The following CCDC91 variants were observed in gnomAD, a reference collection of about 807,000 sequenced individuals.
CCDC91 encodes coiled-coil domain containing 91, also known as coiled-coil domain-containing protein 91.
Under a neutral mutation model 63.2 loss-of-function variants are expected in CCDC91, and 48 were observed. The ratio of observed to expected loss-of-function variants is 0.76; its 90% CI spans 0.60 to 0.97. CCDC91 has a LOEUF of 0.97. Among genes scored for constraint, CCDC91 ranks in the 50% least tolerant of loss-of-function variants. CCDC91 has a pLI of 0.00. For synonymous variants in CCDC91, 167 were observed against 165.8 expected (o/e 1.01, Z -0.06); for missense variants, 500 against 494.6 (o/e 1.01, Z -0.10).
intron 11 of CCDC91, among the ~76,000 whole-genome samples, chr12:28,465,385 T>C (rs1950501992): frequency 1.3e-5 from 2 of 152,180 alleles, no homozygotes; most frequent in Non-Finnish European, 2.9e-5. Context: ...TAGCCAGGCC[T>C]TGGGTGAGAC....
intron 3 of CCDC91, among the ~76,000 whole-genome samples, chr12:28,278,673 T>G (rs1350622079): frequency 6.6e-6 from 1 of 152,064 alleles, no homozygotes; most frequent in Non-Finnish European, 1.5e-5. Context: ...TCAATTATAT[T>G]GAAGTACTTG....
chr12:28,454,512 C>T (rs990022877), intron 11 of CCDC91, among the ~76,000 whole-genome samples: 1 of 152,132 alleles, frequency 6.6e-6, no homozygotes. Context: ...CTTTCCCTCC[C>T]TAGGGAGAGG....
At chr12:28,306,099 G>GA (rs1938696202) in intron 4 of CCDC91, among the ~76,000 whole-genome samples, 1 of 151,988 alleles carries the variant, frequency 6.6e-6, no homozygotes, top group Non-Finnish European at 1.5e-5. Context: ...CTTGAAAAGG[G>GA]AAAATAATAC....
At chr12:28,486,356 C>G (rs1951725912) in intron 12 of CCDC91, among the ~76,000 whole-genome samples, 1 of 152,068 alleles carries the variant, frequency 6.6e-6, no homozygotes, top group Non-Finnish European at 1.5e-5. Context: ...TACATATATA[C>G]CACATTTTTT....
chr12:28,439,072 A>G (rs772004709), intron 8 of CCDC91, among the ~76,000 whole-genome samples: 4 of 152,172 alleles, frequency 2.6e-5, no homozygotes, highest in Non-Finnish European at 4.4e-5. Context: ...GTCATTCCTA[A>G]TCACTCCCTT....
chr12:28,380,170 G>A (rs1945206842), intron 7 of CCDC91, among the ~76,000 whole-genome samples: 1 of 152,028 alleles, frequency 6.6e-6, no homozygotes, highest in Non-Finnish European at 1.5e-5. Context: ...ACCAGGGCCT[G>A]TTGGGGGTTG....
intron 3 of CCDC91, among the ~76,000 whole-genome samples, chr12:28,272,623 A>G (rs1240660275): frequency 6.6e-6 from 1 of 151,834 alleles, no homozygotes; most frequent in Non-Finnish European, 1.5e-5. Flanking sequence ...CTTTATTCAT[A>G]TATTCTGCTA....
chr12:28,485,785 A>G (rs555570946), intron 12 of CCDC91, among the ~76,000 whole-genome samples: 1 of 152,324 alleles, frequency 6.6e-6, no homozygotes, highest in Admixed American at 6.5e-5. Flanking sequence ...GAAAACTCCT[A>G]TTTCCATATG....
rs376104579 is a variant in CCDC91, at chr12:28,267,371, G to A, written c.109+7929G>A. ...CCAAATTCATTTTAGTGGTCGCATAGTACTGTTTTTTAAGGATATATTATT... is the reference window on the plus strand; with the variant it reads ...CCAAATTCATTTTAGTGGTCGCATAATACTGTTTTTTAAGGATATATTATT... On this transcript the variant is annotated intron_variant, in intron 3 of 12. Transcript: ENST00000536442. Among the ~76,000 whole-genome samples, 6 of 151,198 alleles carry A rather than the reference G, an allele frequency of 4.0e-5. No individual in the cohort carries two copies. The East Asian group carries it at 9.7e-4, about 24-fold the overall frequency.
At chr12:28,307,913 T>A (rs1938915595) in intron 6 of CCDC91, among the ~76,000 whole-genome samples, 164 bp downstream of exon 6, 2 of 152,104 alleles carry the variant, frequency 1.3e-5, no homozygotes, top group African/African-American at 2.4e-5. Flanking sequence ...GACACCCATT[T>A]TGAAAAATAT....
intron 12 of CCDC91, among the ~76,000 whole-genome samples, chr12:28,537,683 T>A (rs1294081011): frequency 6.6e-6 from 1 of 152,228 alleles, no homozygotes; most frequent in Non-Finnish European, 1.5e-5. Context: ...TTGTACTTTT[T>A]CTATTCTTAG....
intron 12 of CCDC91, among the ~76,000 whole-genome samples, chr12:28,495,925 A>G (rs1952254992): frequency 6.6e-6 from 1 of 151,508 alleles, no homozygotes; most frequent in African/African-American, 2.4e-5. Context: ...CAGATTTTAC[A>G]TTTTTTTAAA....
chr12:28,259,463 G>T (rs763405842), intron 3 of CCDC91, 21 bp downstream of exon 3: 13 of 990,248 alleles, frequency 1.3e-5, no homozygotes, highest in African/African-American at 1.6e-5. Flanking sequence ...CCAGGAATTA[G>T]GGTTTTTTTT....
chr12:28,327,725 C>T (rs749399062), intron 6 of CCDC91, among the ~76,000 whole-genome samples: 14 of 152,244 alleles, frequency 9.2e-5, no homozygotes, highest in Admixed American at 2.6e-4. Flanking sequence ...GTATTTACTC[C>T]GGACAACGAC....
chr12:28,517,608 T>C (rs1243255567), intron 12 of CCDC91, among the ~76,000 whole-genome samples: 8 of 151,972 alleles, frequency 5.3e-5, no homozygotes, highest in African/African-American at 1.7e-4. Flanking sequence ...CCATAGATTA[T>C]TGGGGAGCAG....
At chr12:28,261,230 A>G (rs1478286644) in intron 3 of CCDC91, among the ~76,000 whole-genome samples, 5 of 152,050 alleles carry the variant, frequency 3.3e-5, no homozygotes, top group African/African-American at 4.8e-5. Context: ...TTAGACATGT[A>G]TAATATATTT....
intron 6 of CCDC91, among the ~76,000 whole-genome samples, chr12:28,332,809 C>T (rs1303555093): frequency 1.3e-5 from 2 of 151,964 alleles, no homozygotes; most frequent in African/African-American, 4.8e-5. Flanking sequence ...TCATGGCCAA[C>T]AGCGCTGTAA....
At chr12:28,453,212 TA>T (rs1565998183) in intron 11 of CCDC91, among the ~76,000 whole-genome samples, 1 of 152,002 alleles carries the variant, frequency 6.6e-6, no homozygotes, top group African/African-American at 2.4e-5. Context: ...ATCTGACAAT[TA>T]AAAACACTAC....
intron 12 of CCDC91, among the ~76,000 whole-genome samples, chr12:28,523,485 G>T (rs1940945763): frequency 1.3e-5 from 2 of 152,018 alleles, no homozygotes; most frequent in Admixed American, 6.6e-5. Context: ...CATGAGATGG[G>T]TCTCCTGAAT....
Sources: gnomAD v4.1 joint callset for allele counts (sites outside exome capture counted in the v4.1 genomes callset) on GRCh38, gnomAD v4.1.1 for gene constraint, MANE v1.5 for transcripts, NCBI Gene and HGNC (gene_info 2026-07-23, HGNC 2026-07-21) for gene names.